LRRC69: variants seen among roughly 807,000 people sequenced by gnomAD.
LRRC69 encodes the protein leucine rich repeat containing 69.
LRRC69 carries 42 observed loss-of-function variants against 37.8 expected under a neutral mutation model. The ratio of observed to expected loss-of-function variants is 1.11; its 90% CI spans 0.87 to 1.44. LRRC69 has a LOEUF of 1.44. Among genes scored for constraint, LRRC69 ranks in the 40% most tolerant of loss-of-function variants. The pLI is 0.00. For missense variants in LRRC69, 357 were observed against 401.9 expected (o/e 0.89, Z 0.96); for synonymous variants, 141 against 143.1 (o/e 0.99, Z 0.11).
chr8:91,107,986 C>T (rs1378764796), intron 1 of LRRC69, among the ~76,000 whole-genome samples: 9 of 152,066 alleles, frequency 5.9e-5, no homozygotes, highest in South Asian at 2.1e-4. Flanking sequence ...ACCAAACACA[C>T]GTAGGAACAA....
chr8:91,179,270 T>C (rs904482154), intron 5 of LRRC69, among the ~76,000 whole-genome samples: 3 of 152,154 alleles, frequency 2.0e-5, no homozygotes, highest in African/African-American at 7.2e-5. Context: ...CAGAAAGCTT[T>C]CAATTGTGGT....
intron 6 of LRRC69, among the ~76,000 whole-genome samples, chr8:91,198,449 C>T (rs1161691146): frequency 1.3e-5 from 2 of 152,162 alleles, no homozygotes; most frequent in Admixed American, 1.3e-4. Flanking sequence ...GCTTATCATA[C>T]ACATAGTAAC....
chr8:91,151,612 A>G (rs935762371), intron 5 of LRRC69, among the ~76,000 whole-genome samples: 3 of 151,676 alleles, frequency 2.0e-5, no homozygotes, highest in Non-Finnish European at 4.4e-5. Flanking sequence ...ATATGTGTAC[A>G]TGTATCTTTA....
intron 7 of LRRC69, among the ~76,000 whole-genome samples, chr8:91,202,387 A>G (rs1278632261): frequency 6.6e-6 from 1 of 152,198 alleles, no homozygotes; most frequent in Non-Finnish European, 1.5e-5. Flanking sequence ...GGATGTTAGG[A>G]CTTCAACATA....
intron 1 of LRRC69, among the ~76,000 whole-genome samples, chr8:91,105,750 A>G (rs1335596112): frequency 2.6e-5 from 4 of 151,780 alleles, no homozygotes; most frequent in African/African-American, 7.2e-5. Context: ...AAGTGCTGGC[A>G]CAACTTAACT....
chr8:91,197,769 G>C (rs1809640320), intron 6 of LRRC69, among the ~76,000 whole-genome samples: 1 of 151,830 alleles, frequency 6.6e-6, no homozygotes, highest in Non-Finnish European at 1.5e-5. Flanking sequence ...GATGAACCCG[G>C]TACCTCAGAT....
At chr8:91,109,718 T>C (rs1813378988) in intron 1 of LRRC69, among the ~76,000 whole-genome samples, 1 of 152,066 alleles carries the variant, frequency 6.6e-6, no homozygotes. Context: ...TAAGAGGTTG[T>C]GGGATCTCCA....
At chr8:91,175,860 A>G (rs916857785) in intron 5 of LRRC69, among the ~76,000 whole-genome samples, 3 of 151,454 alleles carry the variant, frequency 2.0e-5, no homozygotes, top group African/African-American at 7.3e-5. Context: ...GACATGCTTT[A>G]AAGGACTACT....
At chr8:91,113,414 T>C (rs1196822213) in intron 1 of LRRC69, among the ~76,000 whole-genome samples, 2 of 151,984 alleles carry the variant, frequency 1.3e-5, no homozygotes, top group Non-Finnish European at 2.9e-5. Flanking sequence ...TAAATCCACG[T>C]ATGTATGATC....
intron 5 of LRRC69, among the ~76,000 whole-genome samples, chr8:91,184,858 G>C (rs1809379457): frequency 6.6e-6 from 1 of 152,210 alleles, no homozygotes; most frequent in Non-Finnish European, 1.5e-5. Flanking sequence ...TGGAGAAAGA[G>C]TGAGAGAGCA....
At chr8:91,217,022 C>A (rs1028526731) in intron 7 of LRRC69, among the ~76,000 whole-genome samples, 2 of 152,222 alleles carry the variant, frequency 1.3e-5, no homozygotes, top group South Asian at 2.1e-4. Context: ...ATTGTGAAAT[C>A]TTGCTTAATA....
intron 4 of LRRC69, among the ~76,000 whole-genome samples, 178 bp from the exon 5 acceptor site, chr8:91,135,490 A>C (rs548916827): frequency 6.6e-6 from 1 of 152,136 alleles, no homozygotes; most frequent in South Asian, 2.1e-4. Flanking sequence ...GAATTCAAAG[A>C]GCTGGCAGTC....
chr8:91,182,356 T>C (rs1046336644), intron 5 of LRRC69, among the ~76,000 whole-genome samples: 1 of 152,162 alleles, frequency 6.6e-6, no homozygotes, highest in African/African-American at 2.4e-5. Context: ...CTTTTAATTT[T>C]TGAATAAATT....
In LRRC69 at chr8:91,148,837, T is replaced by C. The variant is rs188011888; in HGVS notation, c.651+13098T>C. Among the ~76,000 whole-genome samples, 135 of 152,188 alleles carry C rather than the reference T, an allele frequency of 8.9e-4. 1 individual carries two copies. The highest frequency in any genetic ancestry group is 3.1e-3 in the African/African-American group (130 of 41,586). On this transcript the variant is annotated intron_variant, in intron 5 of 7. Coordinates refer to ENST00000448384, the Ensembl canonical transcript of LRRC69. ...TTTGCATTTCTCTGATGGTCAGTGA[T>C]GATGAGCATTTTTTCATGTGTCTTT...
intron 7 of LRRC69, among the ~76,000 whole-genome samples, chr8:91,207,048 A>G (rs1367866016): frequency 6.6e-6 from 1 of 152,164 alleles, no homozygotes; most frequent in Non-Finnish European, 1.5e-5. Flanking sequence ...ATCCACTGAA[A>G]CTTATTTATT....
intron 5 of LRRC69, among the ~76,000 whole-genome samples, chr8:91,160,777 C>T (rs1808925536): frequency 1.3e-5 from 2 of 151,122 alleles, no homozygotes; most frequent in Non-Finnish European, 3.0e-5. Context: ...TTCTTTATAG[C>T]AGTGTGAGAA....
chr8:91,167,637 A>G (rs1809052694), intron 5 of LRRC69, among the ~76,000 whole-genome samples: 1 of 151,944 alleles, frequency 6.6e-6, no homozygotes, highest in Admixed American at 6.6e-5. Context: ...CCAGAGCGGA[A>G]CCCTCGTTTG....
intron 5 of LRRC69, chr8:91,157,616 A>C: frequency 6.4e-7 from 1 of 1,562,364 alleles, no homozygotes; most frequent in Non-Finnish European, 8.8e-7. Context: ...AAGGCAGATG[A>C]AGACTTTCAG....
At chr8:91,121,371 T>C (rs1813617954) in intron 1 of LRRC69, among the ~76,000 whole-genome samples, 1 of 152,074 alleles carries the variant, frequency 6.6e-6, no homozygotes, top group South Asian at 2.1e-4. Flanking sequence ...CCCCTTACCC[T>C]AGTTTATGAA....
Sources: gnomAD v4.1 joint callset for allele counts (sites outside exome capture counted in the v4.1 genomes callset) on GRCh38, gnomAD v4.1.1 for gene constraint, MANE v1.5 for transcripts, NCBI Gene and HGNC (gene_info 2026-07-23, HGNC 2026-07-21) for gene names.